Variants in GLCCI1 observed in about 807,000 individuals in gnomAD.
GLCCI1 encodes glucocorticoid-induced transcript 1 protein.
GLCCI1 carries 24 observed loss-of-function variants against 52.2 expected under a neutral mutation model. That is an observed-to-expected ratio of 0.46 (90% CI 0.33 to 0.65). The LOEUF (loss-of-function observed/expected upper bound fraction) is 0.65, where lower values mean the gene tolerates loss of function less well. Ranked by LOEUF, GLCCI1 falls within the 30% of genes least tolerant of loss-of-function variation. GLCCI1 has a pLI of 0.02. For synonymous variants in GLCCI1, 310 were observed against 276.5 expected, an observed-to-expected ratio of 1.12 and a Z score of -1.20; for missense variants, 704 against 701.5, an observed-to-expected ratio of 1.00 and a Z score of -0.04.
intron 3 of GLCCI1, among the ~76,000 whole-genome samples, chr7:8,029,448 C>T (rs1781698090): frequency 6.6e-6 from 1 of 152,058 alleles, no homozygotes; most frequent in Non-Finnish European, 1.5e-5. Context: ...GAATATACCT[C>T]AACATAATAA....
intron 1 of GLCCI1, among the ~76,000 whole-genome samples, chr7:7,999,235 G>A (rs1027527308): frequency 3.9e-5 from 6 of 152,076 alleles, no homozygotes; most frequent in East Asian, 1.9e-4. Context: ...GAGTAAATAA[G>A]TAAAAGTATA....
At position 8,083,477 on chromosome 7, in the gene GLCCI1, A is replaced by G. The variant is rs74647987; in HGVS notation, c.1178-1420A>G. 8.8e-3 allele frequency among the ~76,000 whole-genome samples: 1,333 copies of G among 152,302 alleles called. 12 individuals carry two copies. The highest frequency in any genetic ancestry group is 0.015 in the Non-Finnish European group (989 of 68,026). Reference sequence around the variant, plus strand: ...TCCAATCAGGCTAATTATGCTTTGTATCAACCTGAGACAATCCTATTCCTC... The same window carrying G: ...TCCAATCAGGCTAATTATGCTTTGTGTCAACCTGAGACAATCCTATTCCTC... On this transcript the variant is annotated intron_variant, in intron 6 of 7. Transcript: ENST00000223145.
In GLCCI1 at chr7:7,969,891, T is replaced by C. The variant is rs1015043715; in HGVS notation, c.457+84T>C. On this transcript the variant is annotated intron_variant, in intron 1 of 7. Coordinates refer to ENST00000223145, the MANE Select transcript of GLCCI1 (RefSeq NM_138426.4). This position sits in a 1 kb window ranked among gnomAD's most constrained non-coding sequence, Gnocchi z 4.9. Reference sequence around the variant, plus strand: ...GGAAACTTCAGCCTCTTCGGGCTTCTCTTTGCTAGTGCATTATCGAAGGTG... The same window carrying C: ...GGAAACTTCAGCCTCTTCGGGCTTCCCTTTGCTAGTGCATTATCGAAGGTG... The C allele has an allele frequency of 4.8e-5, 57 of 1,183,926 alleles. No homozygotes were observed. Among genetic ancestry groups the C allele is most frequent in the Non-Finnish European group, 5.8e-5 (55 of 944,552 alleles). 73.3% of individuals were successfully genotyped at this position (1,183,926 alleles called of 1,614,324 possible). A position where few individuals can be genotyped will look rare whatever the true frequency, so the allele number is the denominator to read the frequency against.
intron 1 of GLCCI1, among the ~76,000 whole-genome samples, chr7:7,975,916 T>C (rs1377287028): frequency 6.6e-6 from 1 of 152,196 alleles, no homozygotes; most frequent in Non-Finnish European, 1.5e-5. Flanking sequence ...GTAGTGAATA[T>C]AAGTGCTTTT....
At chr7:8,046,844 A>G (rs1269284750) in intron 3 of GLCCI1, among the ~76,000 whole-genome samples, 2 of 152,164 alleles carry the variant, frequency 1.3e-5, no homozygotes, top group Non-Finnish European at 2.9e-5. Flanking sequence ...ACAGAGTTTG[A>G]CTTTTTTTGT....
chr7:8,039,471 AATC>A (rs1371107280), intron 3 of GLCCI1, among the ~76,000 whole-genome samples: 3 of 152,234 alleles, frequency 2.0e-5, no homozygotes, highest in African/African-American at 7.2e-5. Context: ...AGAAGAATGA[AATC>A]ATGTCTTTTG....
chr7:7,978,852 C>G (rs1780551139), intron 1 of GLCCI1, among the ~76,000 whole-genome samples: 2 of 152,108 alleles, frequency 1.3e-5, no homozygotes, highest in East Asian at 3.8e-4. Flanking sequence ...CTCATACAAA[C>G]TTGTGAAGTG....
At chr7:8,050,872 AAAT>A (rs944414699) in intron 3 of GLCCI1, among the ~76,000 whole-genome samples, 47 of 152,308 alleles carry the variant, frequency 3.1e-4, no homozygotes, top group African/African-American at 1.1e-3. Context: ...TTCACCTTTA[AAAT>A]AATAATAATA....
chr7:7,986,347 C>G (rs1486067638), intron 1 of GLCCI1, among the ~76,000 whole-genome samples: 1 of 145,546 alleles, frequency 6.9e-6, no homozygotes, highest in African/African-American at 2.6e-5. Flanking sequence ...CCTGTCTCTA[C>G]TAAAAATACA....
chr7:7,974,918 G>A (rs1006337948), intron 1 of GLCCI1, among the ~76,000 whole-genome samples: 7 of 152,098 alleles, frequency 4.6e-5, no homozygotes, highest in South Asian at 4.1e-4. Flanking sequence ...TGTCTAAGAA[G>A]CTAAATCACT....
At chr7:7,974,968 C>T (rs35630009) in intron 1 of GLCCI1, among the ~76,000 whole-genome samples, 3,530 of 152,078 alleles carry the variant, frequency 0.023, 66 homozygotes, top group East Asian at 0.083. Flanking sequence ...ATTATTTTAA[C>T]GAGAGGTTGA....
At chr7:8,035,425 A>G (rs537959040) in intron 3 of GLCCI1, among the ~76,000 whole-genome samples, 4 of 152,224 alleles carry the variant, frequency 2.6e-5, no homozygotes, top group Admixed American at 1.3e-4. Context: ...GGCTGCTCCT[A>G]TGGGAGGTTG....
intron 1 of GLCCI1, among the ~76,000 whole-genome samples, chr7:7,987,091 A>T (rs560690373): frequency 5.9e-5 from 9 of 152,272 alleles, no homozygotes; most frequent in African/African-American, 1.9e-4. Flanking sequence ...AAAACAAAAA[A>T]ACCCCACAAA....
chr7:8,012,432 C>CTTTTTTTTTTTTTTTT lies in GLCCI1; in HGVS notation c.609+8388_609+8403dup, dbSNP rs71014746. Among the ~76,000 whole-genome samples, 187 of 70,396 alleles carry CTTTTTTTTTTTTTTTT rather than the reference C, an allele frequency of 2.7e-3. 21 individuals are homozygous for CTTTTTTTTTTTTTTTT. Among genetic ancestry groups the CTTTTTTTTTTTTTTTT allele is most frequent in the Non-Finnish European group, 3.7e-3 (145 of 39,564 alleles). 46.2% of individuals were successfully genotyped at this position (70,396 alleles called of 152,430 possible). A position where few individuals can be genotyped will look rare whatever the true frequency, so the allele number is the denominator to read the frequency against. On this transcript the variant is annotated intron_variant, in intron 2 of 7. Transcript: ENST00000223145. ...CCATTCTGTGGGTTGCCTTTTTATTCTTTTTTTTTTTTTTTTTTTTTTTTT... is the reference window on the plus strand; with the variant it reads ...CCATTCTGTGGGTTGCCTTTTTATTCTTTTTTTTTTTTTTTTTTTTTTTTTTTTTTTTTTTTTTTTT...
At chr7:8,037,920 T>G (rs1781902795) in intron 3 of GLCCI1, among the ~76,000 whole-genome samples, 1 of 152,108 alleles carries the variant, frequency 6.6e-6, no homozygotes, top group South Asian at 2.1e-4. Context: ...AGAAAACAGA[T>G]AGTAATACAA....
intron 3 of GLCCI1, among the ~76,000 whole-genome samples, chr7:8,046,689 T>A (rs1420526128): frequency 2.0e-5 from 3 of 152,178 alleles, no homozygotes; most frequent in Non-Finnish European, 4.4e-5. Context: ...AATGTATATC[T>A]CAAATGTATT....
intron 6 of GLCCI1, among the ~76,000 whole-genome samples, chr7:8,083,971 T>G (rs115576653): frequency 0.013 from 1,985 of 152,302 alleles, 41 homozygotes; most frequent in African/African-American, 0.046. Flanking sequence ...ATCTTCCCAA[T>G]AGATGAAAAT....
intron 1 of GLCCI1, among the ~76,000 whole-genome samples, chr7:8,001,091 C>T (rs1781041729): frequency 1.3e-5 from 2 of 152,152 alleles, no homozygotes; most frequent in African/African-American, 4.8e-5. Context: ...ATGATGATAG[C>T]TGGTTATTTT....
At chr7:8,027,225 C>G (rs538138625) in intron 3 of GLCCI1, among the ~76,000 whole-genome samples, 3 of 152,352 alleles carry the variant, frequency 2.0e-5, no homozygotes, top group South Asian at 2.1e-4. Flanking sequence ...AGGAAACTCA[C>G]GCCTGTAATC....
Sources: gnomAD v4.1 joint callset for allele counts (sites outside exome capture counted in the v4.1 genomes callset) on GRCh38, gnomAD v4.1.1 for gene constraint, Gnocchi (gnomAD v3.1) non-coding constraint, MANE v1.5 for transcripts, NCBI Gene and HGNC (gene_info 2026-07-23, HGNC 2026-07-21) for gene names.